Variants in ANK3 observed in about 807,000 individuals in gnomAD.
ANK3 encodes ankyrin 3, also known as ankyrin-3.
A neutral mutation model predicts 370.9 loss-of-function variants in ANK3; 57 were observed. The observed-to-expected ratio is 0.15, with a 90% confidence interval of 0.12 to 0.19. The LOEUF is 0.19. Among genes scored for constraint, ANK3 ranks in the 10% least tolerant of loss-of-function variants. The pLI is 1.00. For missense variants in ANK3, 4,439 were observed against 5,302.1 expected (o/e 0.84, Z 5.06); for synonymous variants, 1,929 against 1,946.3 (o/e 0.99, Z 0.23).
chr10:60,727,444 G>T, intron 1 of ANK3, among the ~76,000 whole-genome samples: 1 of 152,104 alleles, frequency 6.6e-6, no homozygotes, highest in East Asian at 1.9e-4. Flanking sequence ...AACTGGAAAA[G>T]AACTCAAGTA....
chr10:60,651,493 T>C (rs573797803), intron 1 of ANK3, among the ~76,000 whole-genome samples: 1 of 152,222 alleles, frequency 6.6e-6, no homozygotes, highest in African/African-American at 2.4e-5. Context: ...AACATACTTT[T>C]TTGAGTAAAA....
intron 1 of ANK3, among the ~76,000 whole-genome samples, chr10:60,634,287 C>A (rs2078522531): frequency 6.6e-6 from 1 of 152,098 alleles, no homozygotes; most frequent in African/African-American, 2.4e-5. Context: ...GAAAATAGTA[C>A]AAGATTGTCA....
intron 2 of ANK3, among the ~76,000 whole-genome samples, chr10:60,500,246 A>G (rs1233037446): frequency 1.3e-5 from 2 of 152,088 alleles, no homozygotes; most frequent in Non-Finnish European, 2.9e-5. Context: ...TACTAACTAA[A>G]TTTTCACTAT....
At chr10:60,633,398 T>C (rs1267119224) in intron 1 of ANK3, among the ~76,000 whole-genome samples, 1 of 152,220 alleles carries the variant, frequency 6.6e-6, no homozygotes, top group Non-Finnish European at 1.5e-5. Context: ...TATTTTCTAA[T>C]AATAGACTGC....
rs2076531775 is a variant in ANK3, at chr10:60,043,915, A to G, written c.13066-1156T>C. 3 of 985,758 alleles carry G rather than the reference A, an allele frequency of 3.0e-6. No individual in the cohort carries two copies. The Admixed American group carries it at 1.8e-4, about 61-fold the overall frequency. The allele number at this position is 985,758 out of a possible 1,614,324, so 61.1% of individuals were successfully genotyped here. A position where few individuals can be genotyped will look rare whatever the true frequency, so the allele number is the denominator to read the frequency against. Reference sequence around the variant, plus strand: ...TATGTAACAAAGAATGTTAGGAAGAAAAGTATTTTTCTTTGACCCTGATCA... The same window carrying G: ...TATGTAACAAAGAATGTTAGGAAGAGAAGTATTTTTCTTTGACCCTGATCA... On this transcript the variant is annotated intron_variant, in intron 42 of 43. Transcript: ENST00000280772.
chr10:60,111,229 G>GAA (rs929445693), intron 26 of ANK3, among the ~76,000 whole-genome samples: 1 of 151,932 alleles, frequency 6.6e-6, no homozygotes, highest in Non-Finnish European at 1.5e-5. Flanking sequence ...AGAACCAATG[G>GAA]AAAAAACACT....
intron 9 of ANK3, among the ~76,000 whole-genome samples, chr10:60,212,204 C>T (rs1345725750): frequency 6.6e-6 from 1 of 152,058 alleles, no homozygotes; most frequent in Admixed American, 6.6e-5. Flanking sequence ...GTCCTTACTG[C>T]TCTGAGAAAA....
At position 60,495,834 on chromosome 10, in the gene ANK3, A is replaced by AT. The variant is rs547498580; in HGVS notation, c.96+119351dup. Among the ~76,000 whole-genome samples, 819 of 152,176 alleles carry AT rather than the reference A, an allele frequency of 5.4e-3. 3 individuals are homozygous for AT. Among genetic ancestry groups the AT allele is most frequent in the Non-Finnish European group, 9.3e-3 (629 of 67,998 alleles). ...AGCACAGAGGCAGCAGTTAGTTGTG[A>AT]TTTTTTTATAAGACTCCCAAAGGCT... On this transcript the variant is annotated intron_variant, in intron 2 of 43. Coordinates refer to the ANK3 transcript ENST00000373827.
chr10:60,224,883 CTCTTT>C (rs560597175), intron 8 of ANK3, among the ~76,000 whole-genome samples: 56 of 151,452 alleles, frequency 3.7e-4, no homozygotes, highest in Non-Finnish European at 6.9e-4. Flanking sequence ...AATAGCTAAG[CTCTTT>C]TCTTTTCTTT....
At chr10:60,570,665 T>C (rs961473784) in intron 2 of ANK3, among the ~76,000 whole-genome samples, 2 of 152,084 alleles carry the variant, frequency 1.3e-5, no homozygotes, top group Non-Finnish European at 2.9e-5. Flanking sequence ...AGTAAGGAGT[T>C]TAGAAGGTAC....
In ANK3 at chr10:60,547,664, CAGAGAGACAGAG is replaced by C. The variant is rs2076998330; in HGVS notation, c.96+67510_96+67521del. Among the ~76,000 whole-genome samples, 6 of 147,196 alleles carry C rather than the reference CAGAGAGACAGAG, an allele frequency of 4.1e-5. No individual in the cohort carries two copies. In the South Asian group the frequency reaches 1.3e-3, roughly 32 times the overall value. On this transcript the variant is annotated intron_variant, in intron 2 of 43. Transcript: ENST00000373827. ...TGGGGAGGGTGGTGGTGGAGACAGACAGAGAGACAGAGAGAGAGAGACAGAGACAGAGACAGA... is the reference window on the plus strand; with the variant it reads ...TGGGGAGGGTGGTGGTGGAGACAGACAGAGAGAGACAGAGACAGAGACAGA...
At chr10:60,458,430 C>A (rs940446147) in intron 2 of ANK3, among the ~76,000 whole-genome samples, 2 of 152,066 alleles carry the variant, frequency 1.3e-5, no homozygotes, top group Admixed American at 6.6e-5. Flanking sequence ...TAATTAGGCA[C>A]CCCTCCAGAC....
chr10:60,229,956 G>A (rs539196999), intron 8 of ANK3, among the ~76,000 whole-genome samples: 9 of 152,234 alleles, frequency 5.9e-5, no homozygotes, highest in African/African-American at 2.2e-4. Flanking sequence ...GTGGCAACTC[G>A]CTAGAAAGGC....
At chr10:60,295,982 G>A (rs970721491) in intron 1 of ANK3, among the ~76,000 whole-genome samples, 18 of 152,152 alleles carry the variant, frequency 1.2e-4, no homozygotes, top group African/African-American at 4.1e-4. Flanking sequence ...AAGGGTCTCA[G>A]GGACACCCAG....
Position 60,108,855 on chromosome 10 carries a change from C to T in ANK3, c.3148G>A (p.Gly1050Ser). 6.2e-7 allele frequency: 1 copy of T among 1,614,050 alleles called. No homozygotes were observed. Among genetic ancestry groups the T allele is most frequent in the African/African-American group, 1.3e-5 (1 of 75,034 alleles). ...EGLASRLVEM[G>S]PAGAQFLGPV... ...CCTAAAAATTGTGCCCCTGCAGGAC[C>T]CATTTCTACCAGCCTACTGGCTAAT... Residue 1050 changes from glycine to serine, a missense_variant, in exon 27 of 44, where the codon GGT becomes AGT. This residue lies in a region of ANK3 where 702 missense variants were observed against 941.5 expected (regional missense o/e 0.75). Transcript: ENST00000280772.
In ANK3 at chr10:60,086,664, G is replaced by T; in HGVS notation, c.3748+13C>A. ...GTGAATCAATAGGAAGTACAGCAGTGACTTAACCAAACCTGTAATGCTACA... is the reference window on the plus strand; with the variant it reads ...GTGAATCAATAGGAAGTACAGCAGTTACTTAACCAAACCTGTAATGCTACA... On this transcript the variant is annotated intron_variant, in intron 30 of 43. Coordinates refer to ENST00000280772, the MANE Select transcript of ANK3 (RefSeq NM_020987.5). The T allele has an allele frequency of 6.2e-7, 1 of 1,608,196 alleles. No individual in the cohort carries two copies. The highest frequency in any genetic ancestry group is 1.1e-5 in the South Asian group (1 of 90,366).
intron 23 of ANK3, chr10:60,141,108 G>T: frequency 1.2e-6 from 1 of 804,750 alleles, no homozygotes; most frequent in Non-Finnish European, 1.5e-6. Context: ...AGTTGAGGTT[G>T]TGAAACTGGG....
intron 4 of ANK3, 138 bp from the exon 5 acceptor site, chr10:60,270,367 A>G (rs1228126469): frequency 2.2e-6 from 1 of 461,226 alleles, no homozygotes. Context: ...ATAAATATTT[A>G]TTAGAAAACC....
intron 5 of ANK3, among the ~76,000 whole-genome samples, chr10:60,268,101 C>G (rs1390188675): frequency 6.6e-6 from 1 of 152,204 alleles, no homozygotes; most frequent in Non-Finnish European, 1.5e-5. Context: ...CCTCAAACTT[C>G]TAGGCTCAAG....
Sources: allele counts gnomAD v4.1 joint callset (sites outside exome capture counted in the v4.1 genomes callset), GRCh38; gene constraint gnomAD v4.1.1; regional missense constraint gnomAD v4.1.1; transcripts MANE v1.5; gene names NCBI Gene and HGNC (gene_info 2026-07-23, HGNC 2026-07-21).